HS1BP3: variants seen among roughly 807,000 people sequenced by gnomAD.
HS1BP3 encodes the protein HCLS1 binding protein 3, also known as HCLS1-binding protein 3.
HS1BP3 carries 32 observed loss-of-function variants against 33.5 expected under a neutral mutation model. The ratio of observed to expected loss-of-function variants is 0.95; its 90% confidence interval spans 0.72 to 1.28. The LOEUF is 1.28. Ranked by LOEUF, HS1BP3 falls within the 50% of genes most tolerant of loss-of-function variation. The pLI is 0.00. For missense variants in HS1BP3, 486 were observed against 502.3 expected (o/e 0.97, Z 0.31); for synonymous variants, 187 against 209.2 (o/e 0.89, Z 0.92).
chr2:20,619,083 C>T lies in HS1BP3; in HGVS notation c.1083G>A (p.Lys361=). 2 of 1,614,164 alleles carry T rather than the reference C, an allele frequency of 1.2e-6. No individual in the cohort carries two copies. The highest frequency in any genetic ancestry group is 1.7e-6 in the Non-Finnish European group (2 of 1,180,026). Reference sequence around the variant, plus strand: ...CCATGGCTTGGATCTGCTCCTGCGGCTTCTGCTGCCCAGCCACAGCTTCAG... The same window carrying T: ...CCATGGCTTGGATCTGCTCCTGCGGTTTCTGCTGCCCAGCCACAGCTTCAG... The part of the protein sequence containing the change: ...GPAEAVAGQQ[K]PQEQIQAMDE... The change falls in exon 7 of 7, where the codon AAG becomes AAA. Residue 361 remains lysine (K), a synonymous_variant. Coordinates refer to ENST00000304031, the MANE Select transcript of HS1BP3 (RefSeq NM_022460.4).
intron 3 of HS1BP3, among the ~76,000 whole-genome samples, chr2:20,593,800 C>T (rs969482582): frequency 3.3e-5 from 5 of 152,204 alleles, no homozygotes; most frequent in African/African-American, 1.2e-4. Context: ...CCTGGAGCCG[C>T]CACGGGGATG....
chr2:20,563,058 C>T (rs1233439221), intron 5 of HS1BP3, among the ~76,000 whole-genome samples: 5 of 152,188 alleles, frequency 3.3e-5, no homozygotes, highest in Non-Finnish European at 7.4e-5. Flanking sequence ...CAGGAGGCTC[C>T]GACCTTCCTA....
chr2:20,629,687 T>A (rs1694909617), intron 4 of HS1BP3, among the ~76,000 whole-genome samples: 1 of 152,230 alleles, frequency 6.6e-6, no homozygotes, highest in African/African-American at 2.4e-5. Context: ...ATTGCAGGCA[T>A]GTGCTGGCAT....
intron 5 of HS1BP3, among the ~76,000 whole-genome samples, chr2:20,567,350 A>G (rs1399848686): frequency 6.6e-6 from 1 of 152,152 alleles, no homozygotes; most frequent in Non-Finnish European, 1.5e-5. Flanking sequence ...TTGCCCTCAC[A>G]CTGATTCCTA....
intron 6 of HS1BP3, among the ~76,000 whole-genome samples, chr2:20,620,671 G>A (rs1329551933): frequency 6.6e-6 from 1 of 152,220 alleles, no homozygotes; most frequent in African/African-American, 2.4e-5. Flanking sequence ...CTGGTCCTCA[G>A]TCTCTTCTAT....
At chr2:20,602,945 A>G (rs528302233) in intron 2 of HS1BP3, among the ~76,000 whole-genome samples, 7 of 152,374 alleles carry the variant, frequency 4.6e-5, no homozygotes, top group African/African-American at 1.7e-4. Context: ...TCCAAACAAG[A>G]TATACAAATG....
At position 20,632,256 on chromosome 2, in the gene HS1BP3, C is replaced by T. The variant is rs114665940; in HGVS notation, c.623+6180G>A. ...TGATGGTGGCCGACACCTCCCTGGT[C>T]GCAGTAAGCTCTGAGTAAACAACCA... On this transcript the variant is annotated intron_variant, in intron 4 of 6. Coordinates refer to ENST00000304031, the MANE Select transcript of HS1BP3 (RefSeq NM_022460.4). 8.7e-3 allele frequency among the ~76,000 whole-genome samples: 1,324 copies of T among 152,338 alleles called. 16 individuals carry two copies. Among genetic ancestry groups the T allele is most frequent in the African/African-American group, 0.029 (1,223 of 41,572 alleles).
chr2:20,566,070 C>T (rs1214181145), intron 5 of HS1BP3, among the ~76,000 whole-genome samples: 1 of 152,252 alleles, frequency 6.6e-6, no homozygotes, highest in Non-Finnish European at 1.5e-5. Flanking sequence ...GCCCACCCTG[C>T]CCCTCTAGGA....
rs75837651 is a variant in HS1BP3, at chr2:20,619,889, G to A, written c.921-644C>T. 2.8e-3 allele frequency among the ~76,000 whole-genome samples: 425 copies of A among 152,328 alleles called. 4 individuals are homozygous for A. Among genetic ancestry groups the A allele is most frequent in the African/African-American group, 9.7e-3 (402 of 41,590 alleles). ...AGGCTTGGCCCGCCCACAGTGCCCC[G>A]CTGTGGGCCACACGGGTGCCAGACG... On this transcript the variant is annotated intron_variant, in intron 6 of 6. Transcript: ENST00000304031.
chr2:20,594,668 T>C (rs1450991792), intron 3 of HS1BP3, among the ~76,000 whole-genome samples: 1 of 152,160 alleles, frequency 6.6e-6, no homozygotes. Flanking sequence ...GTCCCCTATC[T>C]CAATCCATTC....
intron 4 of HS1BP3, among the ~76,000 whole-genome samples, chr2:20,627,830 C>G (rs1694835096): frequency 6.6e-6 from 1 of 152,178 alleles, no homozygotes; most frequent in Admixed American, 6.5e-5. Context: ...CGGCCCAAAA[C>G]TTTCAGCCTC....
chr2:20,644,435 C>T (rs1004297880), intron 2 of HS1BP3, among the ~76,000 whole-genome samples: 1 of 152,220 alleles, frequency 6.6e-6, no homozygotes. Flanking sequence ...TGATGACTCC[C>T]AAGCCTACAT....
chr2:20,578,807 C>T (rs1448173486), intron 5 of HS1BP3, among the ~76,000 whole-genome samples: 2 of 152,172 alleles, frequency 1.3e-5, no homozygotes, highest in African/African-American at 4.8e-5. Context: ...TGCTCAAGGC[C>T]AGAGTCCCTG....
chr2:20,635,167 G>A (rs904138081), intron 4 of HS1BP3: 2 of 152,188 alleles, frequency 1.3e-5, no homozygotes, highest in Non-Finnish European at 2.9e-5. Flanking sequence ...ACCTTGCTCT[G>A]GGGCACGTAT....
chr2:20,598,595 G>C (rs1219299135), intron 2 of HS1BP3, among the ~76,000 whole-genome samples: 3 of 114,268 alleles, frequency 2.6e-5, no homozygotes, highest in Non-Finnish European at 4.9e-5. Context: ...GTCTCGCTCT[G>C]TCGCCCAGGC....
intron 5 of HS1BP3, among the ~76,000 whole-genome samples, chr2:20,624,522 C>A (rs535383652): frequency 2.6e-4 from 39 of 152,340 alleles, no homozygotes; most frequent in African/African-American, 9.4e-4. Flanking sequence ...TAGGCAGGCC[C>A]TATCGCTTAC....
At chr2:20,630,428 C>T (rs1256943457) in intron 4 of HS1BP3, among the ~76,000 whole-genome samples, 1 of 151,978 alleles carries the variant, frequency 6.6e-6, no homozygotes, top group Non-Finnish European at 1.5e-5. Context: ...TAACACGTGG[C>T]TAATTAAAAA....
intron 5 of HS1BP3, among the ~76,000 whole-genome samples, chr2:20,572,000 C>G (rs1271580118): frequency 6.6e-6 from 1 of 152,230 alleles, no homozygotes; most frequent in East Asian, 1.9e-4. Flanking sequence ...TCCAAGGACT[C>G]CAGGCTCAGA....
At chr2:20,559,578 G>A (rs1692930421), downstream of HS1BP3, among the ~76,000 whole-genome samples, 1 of 151,370 alleles carries the variant, frequency 6.6e-6, no homozygotes, top group South Asian at 2.1e-4. Flanking sequence ...ATGGGTGGAT[G>A]CATGGATGGA....
Sources: allele counts gnomAD v4.1 joint callset (sites outside exome capture counted in the v4.1 genomes callset), GRCh38; gene constraint gnomAD v4.1.1; transcripts MANE v1.5; gene names NCBI Gene and HGNC (gene_info 2026-07-23, HGNC 2026-07-21).